CAMKMT: variants seen among roughly 807,000 people sequenced by gnomAD.
CAMKMT encodes CaM KMT.
In CAMKMT, 53 loss-of-function variants were observed where a neutral mutation model predicts 48.0. The observed-to-expected ratio is 1.10, with a 90% confidence interval of 0.89 to 1.39. The LOEUF is 1.39. Ranked by LOEUF, CAMKMT falls within the 40% of genes most tolerant of loss-of-function variation. CAMKMT has a pLI of 0.00. For synonymous variants in CAMKMT, 165 were observed against 152.3 expected (o/e 1.08, Z -0.61); for missense variants, 428 against 402.7 (o/e 1.06, Z -0.54).
intron 3 of CAMKMT, among the ~76,000 whole-genome samples, chr2:44,561,578 C>A (rs1416147850): frequency 2.0e-5 from 3 of 152,118 alleles, no homozygotes; most frequent in Non-Finnish European, 4.4e-5. Context: ...TATTAATATT[C>A]CCATTTACTC....
chr2:44,400,786 G>C (rs976495029), intron 3 of CAMKMT: 4 of 151,350 alleles, frequency 2.6e-5, no homozygotes, highest in Non-Finnish European at 4.4e-5. Context: ...GTATCTTCGA[G>C]AAAGCGTATT....
intron 3 of CAMKMT, chr2:44,393,501 G>C (rs971736725): frequency 1.3e-5 from 2 of 152,144 alleles, no homozygotes; most frequent in African/African-American, 2.4e-5. Flanking sequence ...AAACCATTTT[G>C]AAAGTGCTTA....
chr2:44,652,811 C>T (rs1327363892), intron 3 of CAMKMT, among the ~76,000 whole-genome samples: 1 of 152,158 alleles, frequency 6.6e-6, no homozygotes, highest in African/African-American at 2.4e-5. Context: ...CCCTGCAAAG[C>T]AGTGCTGGAC....
At chr2:44,693,763 C>G (rs1558800435) in intron 3 of CAMKMT, among the ~76,000 whole-genome samples, 2 of 152,194 alleles carry the variant, frequency 1.3e-5, no homozygotes, top group African/African-American at 4.8e-5. Context: ...AGGAAGCTTC[C>G]ATACTCATTC....
chr2:44,439,541 A>G (rs550045205), intron 3 of CAMKMT, among the ~76,000 whole-genome samples: 40 of 152,136 alleles, frequency 2.6e-4, no homozygotes, highest in African/African-American at 9.6e-4. Flanking sequence ...TACTGGATTC[A>G]AGAAATGCCA....
At chr2:44,695,604 C>T (rs1676899343) in intron 3 of CAMKMT, among the ~76,000 whole-genome samples, 2 of 152,210 alleles carry the variant, frequency 1.3e-5, no homozygotes, top group African/African-American at 4.8e-5. Context: ...CAATGCACTC[C>T]TTTAAGAAAC....
chr2:44,594,071 A>G (rs1670498067), intron 3 of CAMKMT, among the ~76,000 whole-genome samples: 1 of 152,100 alleles, frequency 6.6e-6, no homozygotes, highest in African/African-American at 2.4e-5. Flanking sequence ...CAATTGCTAC[A>G]AAGAGAATAA....
At chr2:44,683,946 A>T (rs1676188664) in intron 3 of CAMKMT, among the ~76,000 whole-genome samples, 1 of 152,090 alleles carries the variant, frequency 6.6e-6, no homozygotes, top group Non-Finnish European at 1.5e-5. Flanking sequence ...TTTTCATGTC[A>T]CTAATGGTAT....
At chr2:44,588,341 T>G (rs1670023506) in intron 3 of CAMKMT, among the ~76,000 whole-genome samples, 1 of 79,094 alleles carries the variant, frequency 1.3e-5, no homozygotes, top group African/African-American at 5.0e-5. Context: ...AGCCGCCCCG[T>G]CCGGGAGGGG....
Position 44,743,645 on chromosome 2 carries a change from C to A in CAMKMT, c.647C>A (p.Thr216Lys). 6.2e-7 allele frequency: 1 copy of A among 1,613,124 alleles called. No individual in the cohort carries two copies. The highest frequency in any genetic ancestry group is 1.1e-5 in the South Asian group (1 of 90,974). Reference sequence around the variant, plus strand: ...AGCGTTTTACGATGGGATAATGAGACAGATGTCTCTCAACTGGAAGGACAT... The same window carrying A: ...AGCGTTTTACGATGGGATAATGAGAAAGATGTCTCTCAACTGGAAGGACAT... ...SSCVLRWDNE[T>K]DVSQLEGHFD... Residue 216 changes from threonine to lysine, a missense_variant, in exon 8 of 11, where the codon ACA becomes AAA. Physicochemically the swap from Thr to Lys is moderately conservative, Grantham distance 78 (BLOSUM62 -1). Transcript: ENST00000378494.
chr2:44,572,569 G>T (rs908615577), intron 3 of CAMKMT, among the ~76,000 whole-genome samples: 1 of 152,200 alleles, frequency 6.6e-6, no homozygotes, highest in East Asian at 1.9e-4. Context: ...TCTGTTGGCT[G>T]TTACGAGTAA....
At chr2:44,379,865 C>T (rs541983350) in intron 2 of CAMKMT, among the ~76,000 whole-genome samples, 28 of 151,560 alleles carry the variant, frequency 1.8e-4, no homozygotes, top group Admixed American at 1.4e-3. Context: ...TTTATATATT[C>T]TGGATATTAG....
intron 3 of CAMKMT, among the ~76,000 whole-genome samples, chr2:44,696,046 G>A (rs559540559): frequency 2.6e-5 from 4 of 152,074 alleles, no homozygotes; most frequent in African/African-American, 7.2e-5. Flanking sequence ...AGGTTCAGGC[G>A]ATTTTCCTGC....
intron 2 of CAMKMT, among the ~76,000 whole-genome samples, chr2:44,381,136 G>A (rs1415434341): frequency 6.6e-6 from 1 of 152,016 alleles, no homozygotes. Flanking sequence ...CTCCACCCTG[G>A]GTGACAGTGC....
chr2:44,675,942 A>G (rs535317441), intron 3 of CAMKMT, among the ~76,000 whole-genome samples: 96 of 152,206 alleles, frequency 6.3e-4, no homozygotes, highest in Non-Finnish European at 1.0e-3. Context: ...TTTTGTGGCT[A>G]GCTTGTTTTA....
At chr2:44,734,728 G>C (rs1679267952) in intron 7 of CAMKMT, among the ~76,000 whole-genome samples, 1 of 152,072 alleles carries the variant, frequency 6.6e-6, no homozygotes, top group Non-Finnish European at 1.5e-5. Flanking sequence ...CATATTTTTT[G>C]TATGACTAGA....
intron 3 of CAMKMT, among the ~76,000 whole-genome samples, chr2:44,515,138 A>G (rs938441859): frequency 6.6e-6 from 1 of 152,226 alleles, no homozygotes; most frequent in Non-Finnish European, 1.5e-5. Context: ...TAGGATTAAC[A>G]TCACAATATT....
chr2:44,569,873 TTTTA>T (rs1280342304), intron 3 of CAMKMT, among the ~76,000 whole-genome samples: 6 of 152,164 alleles, frequency 3.9e-5, no homozygotes, highest in African/African-American at 1.4e-4. Context: ...AACCGGCAGA[TTTTA>T]TTTGTGTAAG....
intron 3 of CAMKMT, among the ~76,000 whole-genome samples, chr2:44,590,723 A>G (rs1347341173): frequency 1.3e-5 from 2 of 152,062 alleles, no homozygotes; most frequent in African/African-American, 4.8e-5. Flanking sequence ...CTCTGATGGT[A>G]GTTTCTTTTG....
Sources: gnomAD v4.1 joint callset for allele counts (sites outside exome capture counted in the v4.1 genomes callset) on GRCh38, gnomAD v4.1.1 for gene constraint, MANE v1.5 for transcripts, NCBI Gene and HGNC (gene_info 2026-07-23, HGNC 2026-07-21) for gene names.